The following SPRED3 variants were observed in gnomAD, a reference collection of about 807,000 sequenced individuals.
SPRED3 encodes the protein sprouty-related, EVH1 domain-containing protein 3.
A neutral mutation model predicts 37.6 loss-of-function variants in SPRED3; 23 were observed. The ratio of observed to expected loss-of-function variants is 0.61; its 90% CI spans 0.44 to 0.87. SPRED3 has a LOEUF of 0.87. Among genes scored for constraint, SPRED3 ranks in the 40% least tolerant of loss-of-function variants. The probability of loss-of-function intolerance (pLI) is 0.00; values close to 1 mark genes in which losing one functional copy is unlikely to be tolerated. For missense variants in SPRED3, 584 were observed against 618.6 expected (o/e 0.94, Z 0.59); for synonymous variants, 302 against 279.6 (o/e 1.08, Z -0.80).
chr19:38,389,421 G>A (rs1379269859), intron 1 of SPRED3, among the ~76,000 whole-genome samples: 1 of 150,796 alleles, frequency 6.6e-6, no homozygotes, highest in Non-Finnish European at 1.5e-5. Flanking sequence ...CACTGATCCC[G>A]ATTACTGGGC....
intron 2 of SPRED3, among the ~76,000 whole-genome samples, chr19:38,390,764 G>GCCCCCCCCCCCCCCCCCC (rs57016544): frequency 1.3e-3 from 81 of 62,468 alleles, no homozygotes; most frequent in South Asian, 2.2e-3. Flanking sequence ...AGGGGGCACT[G>GCCCCCCCCCCCCCCCCCC]CCCCCCCCCC....
rs1287818344 is a variant in SPRED3 at position 38,397,501 on chromosome 19, CA to C, written c.*1358del. 4 of 152,334 alleles carry C rather than the reference CA, an allele frequency of 2.6e-5. No homozygotes were observed. Among genetic ancestry groups the C allele is most frequent in the African/African-American group, 9.7e-5 (4 of 41,424 alleles). The allele number at this position is 152,334 out of a possible 1,614,324, so 9.4% of individuals were successfully genotyped here. A position where few individuals can be genotyped will look rare whatever the true frequency, so the allele number is the denominator to read the frequency against. ...AGAGGCGTTCAGATTCGAGGTGCCC[CA>C]AGACCCCAGCACCCTCAGACCCCAG... On this transcript the variant is annotated 3_prime_UTR_variant, in exon 6 of 6. Coordinates refer to ENST00000691638, the MANE Select transcript of SPRED3 (RefSeq NM_001394336.1).
At chr19:38,392,510 A>T in intron 4 of SPRED3, 1 of 488,928 alleles carries the variant, frequency 2.0e-6, no homozygotes, top group East Asian at 3.2e-5. Flanking sequence ...TACCTTCTGT[A>T]TACCAGGCAG....
rs117242276 is a variant in SPRED3 at position 38,396,336 on chromosome 19, T to C, written c.*191T>C. The C allele has an allele frequency of 1.4e-4, 55 of 380,224 alleles. No homozygotes were observed. Among genetic ancestry groups the C allele is most frequent in the South Asian group, 8.3e-4 (6 of 7,212 alleles). 23.6% of individuals were successfully genotyped at this position (380,224 alleles called of 1,614,324 possible). A position where few individuals can be genotyped will look rare whatever the true frequency, so the allele number is the denominator to read the frequency against. On this transcript the variant is annotated 3_prime_UTR_variant, in exon 6 of 6. Transcript: ENST00000691638. ...CTGAGAGACCCCAGCCCCAGCTTCA[T>C]TGGGGTGTCTGTCTAAGAAGTCCCA...
At chr19:38,391,881 T>C (rs776789879) in intron 2 of SPRED3, 65 bp from the exon 3 acceptor site, 1 of 1,582,490 alleles carries the variant, frequency 6.3e-7, no homozygotes, top group Non-Finnish European at 8.6e-7. Flanking sequence ...GGGCTGGTGA[T>C]GGACGAGACG....
chr19:38,390,423 G>T lies in SPRED3; in HGVS notation c.121G>T (p.Gly41Trp), dbSNP rs750712741. ...TCGGGTCCGAGGGGCCAGGCCCGAG[G>T]GGGGGGCCCGCCAGGGGCACTACGT... ...VCRVRGARPE[G>W]GARQGHYVIH... is the part of the protein sequence containing the mutation. The change falls in exon 2 of 6, where the codon GGG becomes TGG. Residue 41 changes from glycine (G) to tryptophan (W), a missense_variant. Gly to Trp is a radical substitution (Grantham distance 184, BLOSUM62 -2). Transcript: ENST00000691638. 7.8e-6 allele frequency: 11 copies of T among 1,404,164 alleles called. No individual in the cohort carries two copies. The Admixed American group carries it at 9.5e-5, about 12-fold the overall frequency. 87.0% of individuals were successfully genotyped at this position (1,404,164 alleles called of 1,614,324 possible). A position where few individuals can be genotyped will look rare whatever the true frequency, so the allele number is the denominator to read the frequency against.
rs988155146 is a variant in SPRED3, at chr19:38,394,307, G to A, written c.424-336G>A. On this transcript the variant is annotated intron_variant, in intron 4 of 5. Transcript: ENST00000691638. ...CGATTAGATGTTCCTCAGGTTTGGC[G>A]AGCTGATTAGATCAGGAGAAGAGTC... is the stretch of plus-strand genomic sequence containing the variant. 8.3e-6 allele frequency: 12 copies of A among 1,446,610 alleles called. No homozygotes were observed. In the African/African-American group the frequency reaches 1.6e-4, roughly 19 times the overall value. The allele number at this position is 1,446,610 out of a possible 1,614,324, so 89.6% of individuals were successfully genotyped here. A position where few individuals can be genotyped will look rare whatever the true frequency, so the allele number is the denominator to read the frequency against.
chr19:38,394,561 G>A, intron 4 of SPRED3, 82 bp from the exon 5 acceptor site: 1 of 1,549,764 alleles, frequency 6.5e-7, no homozygotes, highest in Non-Finnish European at 8.7e-7. Flanking sequence ...CAGAGCCCTC[G>A]CTCTCAATGG....
intron 4 of SPRED3, among the ~76,000 whole-genome samples, chr19:38,393,465 A>C (rs1970857353): frequency 6.8e-6 from 1 of 148,010 alleles, no homozygotes; most frequent in Non-Finnish European, 1.5e-5. Context: ...CTTCTGCCTC[A>C]GTCTCCCAAA....
At chr19:38,392,421 G>A (rs1277857735) in intron 4 of SPRED3, 133 bp downstream of exon 4, 2 of 994,378 alleles carry the variant, frequency 2.0e-6, no homozygotes. Flanking sequence ...CCGGAACTAT[G>A]AGTGTCAATT....
In SPRED3 at chr19:38,397,456, G is replaced by A. The variant is rs1410000181; in HGVS notation, c.*1311G>A. On this transcript the variant is annotated 3_prime_UTR_variant, in exon 6 of 6. Coordinates refer to ENST00000691638, the MANE Select transcript of SPRED3 (RefSeq NM_001394336.1). ...AACATTGGGATTGTTCCTGATCCAA[G>A]ACCTTCATCCCTCCATACCAGAGGC... 1.3e-5 allele frequency: 2 copies of A among 152,238 alleles called. No homozygotes were observed. The highest frequency in any genetic ancestry group is 2.1e-4 in the South Asian group (1 of 4,830). 9.4% of individuals were successfully genotyped at this position (152,238 alleles called of 1,614,324 possible).
At position 38,392,028 on chromosome 19, in the gene SPRED3, G is replaced by A; in HGVS notation, c.260G>A (p.Cys87Tyr). The change falls in exon 3 of 6, where the codon TGC (cysteine) becomes TAC (tyrosine). Residue 87 changes from cysteine to tyrosine, a missense_variant. By Grantham distance (194) the Cys-to-Tyr change is radical (BLOSUM62 -2). Around this residue, in one of 7 missense-constraint regions of SPRED3, gnomAD observed 9 missense variants for 27.0 expected, o/e 0.33. Coordinates refer to ENST00000691638, the MANE Select transcript of SPRED3 (RefSeq NM_001394336.1). ...PIFHHWSLGD[C>Y]KFGLTFQSPA... ...TTTCACCACTGGAGCCTGGGTGACTGCAAGTTTGGACTGACGTTTCAGAGC... is the reference window on the plus strand; with the variant it reads ...TTTCACCACTGGAGCCTGGGTGACTACAAGTTTGGACTGACGTTTCAGAGC... The A allele has an allele frequency of 1.9e-6, 3 of 1,614,208 alleles. No individual in the cohort carries two copies. Among genetic ancestry groups the A allele is most frequent in the African/African-American group, 1.3e-5 (1 of 75,050 alleles).
Position 38,394,860 on chromosome 19 carries a change from G to T in SPRED3, c.567+74G>T. On this transcript the variant is annotated intron_variant, in intron 5 of 5. Coordinates refer to ENST00000691638, the MANE Select transcript of SPRED3 (RefSeq NM_001394336.1). ...GGGGCCCGAAGGGAGCGGGAGCCAT[G>T]GCCCGGGGAGGTGGGGAACACAGAT... 3 of 1,441,780 alleles carry T rather than the reference G, an allele frequency of 2.1e-6. No homozygotes were observed. The South Asian group carries it at 4.3e-5, about 20-fold the overall frequency. 89.3% of individuals were successfully genotyped at this position (1,441,780 alleles called of 1,614,324 possible).
rs1004913114 is a variant in SPRED3, at chr19:38,399,398, C to G, written c.*3253C>G. On this transcript the variant is annotated 3_prime_UTR_variant, in exon 6 of 6. Transcript: ENST00000691638. The stretch of plus-strand genomic sequence containing the variant: ...TTGCCCCTCAGATCGGATGCTTGGC[C>G]CCCAGATTTGGGGGAGGCACCCCAA... 1 of 152,178 alleles carries G rather than the reference C, an allele frequency of 6.6e-6. No individual in the cohort carries two copies. The highest frequency in any genetic ancestry group is 1.5e-5 in the Non-Finnish European group (1 of 68,060). The allele number at this position is 152,178 out of a possible 1,614,324, so 9.4% of individuals were successfully genotyped here. A position where few individuals can be genotyped will look rare whatever the true frequency, so the allele number is the denominator to read the frequency against.
In SPRED3 at chr19:38,395,546, G is replaced by A; in HGVS notation, c.634G>A (p.Gly212Ser). 3.9e-6 allele frequency: 6 copies of A among 1,552,754 alleles called. No homozygotes were observed. The highest frequency in any genetic ancestry group is 5.2e-6 in the Non-Finnish European group (6 of 1,152,934). The part of the protein sequence containing the change: ...EPSEPLAGAG[G>S]LGWGGRGYED... ...CTCAGAGCCCCTGGCAGGGGCAGGG[G>A]GCCTGGGGTGGGGCGGCCGCGGCTA... is the stretch of plus-strand genomic sequence containing the variant. The change falls in exon 6 of 6, where the codon GGC becomes AGC. Residue 212 changes from glycine (G) to serine (S), a missense_variant. Gly to Ser is a moderately conservative substitution (Grantham distance 56). Coordinates refer to ENST00000691638, the MANE Select transcript of SPRED3 (RefSeq NM_001394336.1). This position sits in a 1 kb window ranked among gnomAD's most constrained non-coding sequence, Gnocchi z 5.2.
chr19:38,396,061 C>A lies in SPRED3; in HGVS notation c.1149C>A (p.Tyr383Ter). ...TGGCAGTGCCCTGCCTCTGCTGCTA[C>A]GCGCCCCTGCGCGCGTGCCACTGGG... ...LSLAVPCLCC[Y>*]APLRACHWVA... Residue 383 changes from tyrosine to a stop codon, truncating the protein, a stop_gained, in exon 6 of 6, where the codon TAC becomes TAA. Transcript: ENST00000691638. LOFTEE classifies it high-confidence loss of function. 1 of 1,347,844 alleles carries A rather than the reference C, an allele frequency of 7.4e-7. No individual in the cohort carries two copies. Among genetic ancestry groups the A allele is most frequent in the African/African-American group, 1.5e-5 (1 of 65,312 alleles). The allele number at this position is 1,347,844 out of a possible 1,614,324, so 83.5% of individuals were successfully genotyped here.
intron 2 of SPRED3, 76 bp from the exon 3 acceptor site, chr19:38,391,870 G>A (rs1472789205): frequency 1.3e-6 from 2 of 1,553,752 alleles, no homozygotes; most frequent in Non-Finnish European, 1.8e-6. Context: ...GGTATGCATG[G>A]GGGCTGGTGA....
chr19:38,390,661 G>A (rs1045878644), intron 2 of SPRED3, among the ~76,000 whole-genome samples, 182 bp downstream of exon 2: 43 of 152,048 alleles, frequency 2.8e-4, no homozygotes, highest in Admixed American at 5.9e-4. Flanking sequence ...TGGGGTGTTT[G>A]GAGGGTCCTG....
chr19:38,395,483 T>C lies in SPRED3; in HGVS notation c.571T>C (p.Tyr191His). The C allele has an allele frequency of 6.7e-7, 1 of 1,487,524 alleles. No individual in the cohort carries two copies. The highest frequency in any genetic ancestry group is 8.9e-7 in the Non-Finnish European group (1 of 1,121,898). The allele number at this position is 1,487,524 out of a possible 1,614,324, so 92.1% of individuals were successfully genotyped here. The change falls in exon 6 of 6, where the codon TAC becomes CAC. Residue 191 changes from tyrosine (Y) to histidine (H), a missense_variant. Around this residue, in one of 7 missense-constraint regions of SPRED3, gnomAD observed 310 missense variants for 281.1 expected, o/e 1.10. Coordinates refer to ENST00000691638, the MANE Select transcript of SPRED3 (RefSeq NM_001394336.1). This position sits in a 1 kb window ranked among gnomAD's most constrained non-coding sequence, Gnocchi z 5.2. ...PQRRRSSAQS[Y>H]PPLLPFTGIP... ...TGTTTGTCCCTTCGTTCCGCAGAGC[T>C]ACCCTCCGCTTCTACCGTTCACGGG...
Sources: allele counts gnomAD v4.1 joint callset (sites outside exome capture counted in the v4.1 genomes callset), GRCh38; gene constraint gnomAD v4.1.1; regional missense constraint gnomAD v4.1.1; non-coding constraint Gnocchi (gnomAD v3.1); transcripts MANE v1.5; gene names NCBI Gene and HGNC (gene_info 2026-07-23, HGNC 2026-07-21).